Variants in RIMS2 observed in about 807,000 individuals in gnomAD.
The protein encoded by RIMS2 is regulating synaptic membrane exocytosis protein 2.
Under a neutral mutation model 174.4 loss-of-function variants are expected in RIMS2, and 59 were observed. The observed-to-expected ratio is 0.34, with a 90% CI of 0.27 to 0.42. The LOEUF is 0.42. RIMS2 is among the 10% of genes least tolerant of loss of function. The pLI is 1.00. For missense variants in RIMS2, 1,620 were observed against 1,666.3 expected (o/e 0.97, Z 0.48); for synonymous variants, 606 against 572.5 (o/e 1.06, Z -0.84).
At chr8:103,921,438 A>G (rs1325008385) in intron 9 of RIMS2, among the ~76,000 whole-genome samples, 1 of 152,184 alleles carries the variant, frequency 6.6e-6, no homozygotes, top group Non-Finnish European at 1.5e-5. Flanking sequence ...TGTCTCTACT[A>G]TAACTGGCAC....
At chr8:103,666,313 A>G (rs1195567437) in intron 1 of RIMS2, among the ~76,000 whole-genome samples, 1 of 152,172 alleles carries the variant, frequency 6.6e-6, no homozygotes, top group East Asian at 1.9e-4. Flanking sequence ...ACAGTTCACT[A>G]TGTACAGAGA....
intron 1 of RIMS2, among the ~76,000 whole-genome samples, chr8:103,577,300 G>T (rs1357930221): frequency 6.6e-6 from 1 of 152,182 alleles, no homozygotes; most frequent in Non-Finnish European, 1.5e-5. Context: ...AGACATCTAT[G>T]CAGCCAACAG....
chr8:104,237,955 C>A (rs1322248355), intron 19 of RIMS2, among the ~76,000 whole-genome samples: 3 of 152,086 alleles, frequency 2.0e-5, no homozygotes, highest in Admixed American at 6.6e-5. Flanking sequence ...AAATAAACAT[C>A]TTTCATATCT....
Position 103,572,923 on chromosome 8 carries a change from A to G in RIMS2, c.176+71861A>G, listed in dbSNP as rs1436440833. On this transcript the variant is annotated intron_variant, in intron 1 of 23. Transcript: ENST00000504942. ...GAATTTAATTAGGTCCCAGTTGTCAATTTTTGTCTATGTTTCATTTGCTTT... is the reference window on the plus strand; with the variant it reads ...GAATTTAATTAGGTCCCAGTTGTCAGTTTTTGTCTATGTTTCATTTGCTTT... Among the ~76,000 whole-genome samples, 3 of 151,980 alleles carry G rather than the reference A, an allele frequency of 2.0e-5. No individual in the cohort carries two copies. The East Asian group carries it at 5.8e-4, about 29-fold the overall frequency.
chr8:104,176,416 A>ACATTATGCTCCATCATACAGTAATG (rs1249594846), intron 19 of RIMS2, among the ~76,000 whole-genome samples: 9 of 151,788 alleles, frequency 5.9e-5, no homozygotes, highest in Non-Finnish European at 8.8e-5. Context: ...ACATCATCAT[A>ACATTATGCTCCATCATACAGTAATG]CTCCATTACA....
At chr8:103,511,071 C>G (rs551811419) in intron 1 of RIMS2, among the ~76,000 whole-genome samples, 30 of 152,006 alleles carry the variant, frequency 2.0e-4, no homozygotes, top group Non-Finnish European at 3.7e-4. Flanking sequence ...GTTTATAATA[C>G]TATATTGCCT....
intron 19 of RIMS2, among the ~76,000 whole-genome samples, chr8:104,069,015 G>C (rs1477386059): frequency 6.6e-6 from 1 of 152,150 alleles, no homozygotes; most frequent in Non-Finnish European, 1.5e-5. Flanking sequence ...CTGCCTTATA[G>C]TGGATCAACT....
intron 19 of RIMS2, among the ~76,000 whole-genome samples, chr8:104,058,528 CTCTGATGGTAGT>C (rs1250764123): frequency 1.3e-5 from 2 of 149,640 alleles, no homozygotes; most frequent in Admixed American, 1.3e-4. Context: ...TGCCTGTTCA[CTCTGATGGTAGT>C]TTCTTTTGCT....
At chr8:104,125,437 A>C (rs934770190) in intron 19 of RIMS2, among the ~76,000 whole-genome samples, 2 of 152,160 alleles carry the variant, frequency 1.3e-5, no homozygotes, top group African/African-American at 4.8e-5. Context: ...ATGAGGTTTA[A>C]ATTAGTGCAT....
intron 1 of RIMS2, among the ~76,000 whole-genome samples, chr8:103,624,309 C>G (rs1168257335): frequency 1.3e-5 from 2 of 152,190 alleles, no homozygotes; most frequent in African/African-American, 4.8e-5. Flanking sequence ...GAGGAATTCT[C>G]CCCATTTGCT....
At chr8:104,144,538 A>C (rs559810717) in intron 19 of RIMS2, among the ~76,000 whole-genome samples, 1 of 152,256 alleles carries the variant, frequency 6.6e-6, no homozygotes, top group East Asian at 1.9e-4. Context: ...AGTTACCGAC[A>C]CTTTTTATGT....
rs188555203 is a variant in RIMS2, at chr8:104,122,778, T to C, written c.3334+108163T>C. Among the ~76,000 whole-genome samples the C allele has an allele frequency of 2.6e-3, 396 of 152,240 alleles. 1 individual carries two copies. The highest frequency in any genetic ancestry group is 5.0e-3 in the South Asian group (24 of 4,820). Reference sequence around the variant, plus strand: ...ACTTCAGCTTTTAAAATAATGGTAATTTTAAAAGACATTAATTATTCCACC... The same window carrying C: ...ACTTCAGCTTTTAAAATAATGGTAACTTTAAAAGACATTAATTATTCCACC... On this transcript the variant is annotated intron_variant, in intron 19 of 23. Coordinates refer to ENST00000504942, the Ensembl canonical transcript of RIMS2.
chr8:103,726,795 C>T (rs919389354), intron 2 of RIMS2, among the ~76,000 whole-genome samples: 80 of 149,802 alleles, frequency 5.3e-4, no homozygotes, highest in Non-Finnish European at 9.0e-4. Context: ...TGCAGTGGCG[C>T]GATCTGGGCT....
At chr8:103,759,347 C>T (rs1187781148) in intron 2 of RIMS2, among the ~76,000 whole-genome samples, 4 of 151,912 alleles carry the variant, frequency 2.6e-5, no homozygotes, top group Non-Finnish European at 5.9e-5. Context: ...AGGCGGATCA[C>T]GAGGTCAGGA....
chr8:104,191,262 A>T (rs1477415765), intron 19 of RIMS2, among the ~76,000 whole-genome samples: 1 of 152,118 alleles, frequency 6.6e-6, no homozygotes, highest in East Asian at 1.9e-4. Flanking sequence ...AGATTATGCC[A>T]TGGATTCTGC....
At chr8:103,630,423 C>A (rs2095883388) in intron 1 of RIMS2, among the ~76,000 whole-genome samples, 1 of 151,724 alleles carries the variant, frequency 6.6e-6, no homozygotes, top group South Asian at 2.1e-4. Context: ...ACATTTGTCA[C>A]CACAGGCTTA....
intron 19 of RIMS2, among the ~76,000 whole-genome samples, chr8:104,196,426 C>CT (rs1349880447): frequency 1.3e-5 from 2 of 151,968 alleles, no homozygotes; most frequent in Non-Finnish European, 2.9e-5. Context: ...TCCTTTTAAG[C>CT]TTTTTATGTA....
At chr8:103,786,575 G>A (rs2098445650) in intron 3 of RIMS2, among the ~76,000 whole-genome samples, 1 of 152,152 alleles carries the variant, frequency 6.6e-6, no homozygotes, top group African/African-American at 2.4e-5. Flanking sequence ...ATGTAGTTGA[G>A]CGGTTTTGAA....
intron 19 of RIMS2, among the ~76,000 whole-genome samples, chr8:104,064,875 G>T (rs1358492559): frequency 6.6e-6 from 1 of 151,832 alleles, no homozygotes; most frequent in Non-Finnish European, 1.5e-5. Flanking sequence ...TTTGATATTT[G>T]ATTTGATTTC....
Sources: gnomAD v4.1 joint callset for allele counts (sites outside exome capture counted in the v4.1 genomes callset) on GRCh38, gnomAD v4.1.1 for gene constraint, MANE v1.5 for transcripts, NCBI Gene and HGNC (gene_info 2026-07-23, HGNC 2026-07-21) for gene names.